DHX57: variants seen among roughly 807,000 people sequenced by gnomAD.
The protein encoded by DHX57 is putative ATP-dependent RNA helicase DHX57.
Under a neutral mutation model 156.2 loss-of-function variants are expected in DHX57, and 105 were observed. That is an observed-to-expected ratio of 0.67 (90% CI 0.57 to 0.79). The LOEUF (loss-of-function observed/expected upper bound fraction) is 0.79. Among genes scored for constraint, DHX57 ranks in the 30% least tolerant of loss-of-function variants. DHX57 has a pLI of 0.00. For missense variants in DHX57, 1,847 were observed against 1,661.9 expected (o/e 1.11, Z -1.94); for synonymous variants, 704 against 595.6 (o/e 1.18, Z -2.65).
intron 6 of DHX57, chr2:38,856,734 T>C: frequency 4.2e-6 from 1 of 238,954 alleles, no homozygotes; most frequent in Admixed American, 5.2e-5. Context: ...ACTCCTGTGC[T>C]CAAGAATCCA....
Position 38,863,426 on chromosome 2 carries a change from C to G in DHX57, c.318G>C (p.Glu106Asp). ...VPLQTLHMTS[E>D]NQEKVKALLR... ...GAAGAGCTTTCACTTTCTCTTGATTCTCAGAAGTCATATGTAGAGTCTGAA... is the reference window on the plus strand; with the variant it reads ...GAAGAGCTTTCACTTTCTCTTGATTGTCAGAAGTCATATGTAGAGTCTGAA... Residue 106 changes from glutamate (E) to aspartate (D), a missense_variant, in exon 3 of 24, where the codon GAG (glutamate) becomes GAC (aspartate). Physicochemically the swap from Glu to Asp is conservative, Grantham distance 45 (BLOSUM62 2). Transcript: ENST00000457308. The G allele has an allele frequency of 6.2e-7, 1 of 1,614,080 alleles. No individual in the cohort carries two copies. Among genetic ancestry groups the G allele is most frequent in the Non-Finnish European group, 8.5e-7 (1 of 1,180,012 alleles).
chr2:38,873,716 A>T (rs1665460838), intron 1 of DHX57, among the ~76,000 whole-genome samples: 1 of 152,214 alleles, frequency 6.6e-6, no homozygotes, highest in Admixed American at 6.5e-5. Flanking sequence ...GATCCTGGGG[A>T]TATAACAGCA....
chr2:38,861,622 A>C lies in DHX57; in HGVS notation c.788T>G (p.Phe263Cys), dbSNP rs1163721033. The C allele has an allele frequency of 6.8e-6, 11 of 1,613,956 alleles. No individual in the cohort carries two copies. Among genetic ancestry groups the C allele is most frequent in the Non-Finnish European group, 7.6e-6 (9 of 1,180,020 alleles). Residue 263 changes from phenylalanine (F) to cysteine (C), a missense_variant, in exon 5 of 24, where the codon TTT (phenylalanine) becomes TGT (cysteine). Transcript: ENST00000457308. ...GACTCTGTTCTGAATTCTTTCTATAAATTTTTCTCCACAGATGGACTTGAG... is the reference window on the plus strand; with the variant it reads ...GACTCTGTTCTGAATTCTTTCTATACATTTTTCTCCACAGATGGACTTGAG... ...FALKSICGEKFIERIQNRVWT... is the reference protein window; with the variant it reads ...FALKSICGEKCIERIQNRVWT...
rs1480370826 is a variant in DHX57, at chr2:38,798,178, GCC to G, written c.*119_*120del. ...CTGCCTCAGCTGCCTTGGGCTTCAT[GCC>G]CTGGGCTCCTCCACCAGGGCCAGCC... On this transcript the variant is annotated 3_prime_UTR_variant, in exon 24 of 24. Transcript: ENST00000457308. The G allele has an allele frequency of 5.1e-6, 7 of 1,374,700 alleles. No individual in the cohort carries two copies. The highest frequency in any genetic ancestry group is 6.9e-6 in the Non-Finnish European group (7 of 1,012,752). The allele number at this position is 1,374,700 out of a possible 1,614,324, so 85.2% of individuals were successfully genotyped here.
intron 21 of DHX57, among the ~76,000 whole-genome samples, chr2:38,808,768 T>G (rs541290321): frequency 4.1e-4 from 62 of 152,326 alleles, no homozygotes; most frequent in African/African-American, 1.4e-3. Flanking sequence ...TTTGCATTAT[T>G]ATCAAACAAC....
At chr2:38,838,019 C>T in intron 12 of DHX57, 72 bp from the exon 13 acceptor site, 1 of 944,306 alleles carries the variant, frequency 1.1e-6, no homozygotes. Context: ...ATATTTATAC[C>T]ATATACAATA....
rs572075323 is a variant in DHX57 at position 38,799,928 on chromosome 2, C to T, written c.4018-1486G>A. On this transcript the variant is annotated intron_variant, in intron 23 of 23. Coordinates refer to ENST00000457308, the MANE Select transcript of DHX57 (RefSeq NM_198963.3). ...ATTAGCCTGGCGCGGTGGCTCATGC[C>T]TGTAATCCCAGCACTTTGGGAGGCC... 1.3e-4 allele frequency among the ~76,000 whole-genome samples: 20 copies of T among 152,176 alleles called. No homozygotes were observed. In the East Asian group the frequency reaches 3.9e-3, roughly 29 times the overall value.
intron 17 of DHX57, 30 bp downstream of exon 17, chr2:38,822,963 C>T (rs1033566415): frequency 6.2e-7 from 1 of 1,607,484 alleles, no homozygotes; most frequent in Non-Finnish European, 8.5e-7. Context: ...CTCTTAGAGA[C>T]TCCAGTTTAG....
At chr2:38,822,006 C>T (rs1434266231) in intron 17 of DHX57, among the ~76,000 whole-genome samples, 3 of 152,108 alleles carry the variant, frequency 2.0e-5, no homozygotes, top group African/African-American at 7.2e-5. Flanking sequence ...AATAATAAAA[C>T]AACTACCCAC....
At chr2:38,868,081 C>T in intron 2 of DHX57, 101 bp downstream of exon 2, 1 of 1,434,932 alleles carries the variant, frequency 7.0e-7, no homozygotes, top group Non-Finnish European at 9.5e-7. Flanking sequence ...ACAATTTGAC[C>T]AGAATTACTC....
At chr2:38,829,987 G>A (rs1176533378) in intron 13 of DHX57, among the ~76,000 whole-genome samples, 1 of 152,112 alleles carries the variant, frequency 6.6e-6, no homozygotes, top group Non-Finnish European at 1.5e-5. Context: ...TGCGTGAAGA[G>A]CAGTCACTCA....
chr2:38,852,864 A>C (rs879760054), intron 9 of DHX57, among the ~76,000 whole-genome samples: 1 of 152,072 alleles, frequency 6.6e-6, no homozygotes, highest in East Asian at 1.9e-4. Flanking sequence ...GTGGTGCTTA[A>C]GGCCCTGGAA....
chr2:38,865,031 C>T (rs2124940462), intron 2 of DHX57, among the ~76,000 whole-genome samples: 1 of 152,314 alleles, frequency 6.6e-6, no homozygotes, highest in South Asian at 2.1e-4. Flanking sequence ...ACACCTTTGT[C>T]CCTTGGCTTC....
intron 5 of DHX57, 76 bp downstream of exon 5, chr2:38,860,923 G>T: frequency 7.4e-7 from 1 of 1,351,766 alleles, no homozygotes; most frequent in Non-Finnish European, 1.0e-6. Flanking sequence ...AGCCATCCTA[G>T]ACCAGCCTTA....
rs926904872 is a variant in DHX57, at chr2:38,854,927, G to A, written c.1905+130C>T. On this transcript the variant is annotated intron_variant, in intron 8 of 23. Coordinates refer to ENST00000457308, the MANE Select transcript of DHX57 (RefSeq NM_198963.3). ...ATATTTAAATAAATGATTACCAAAG[G>A]TAATCATTAATTTAAAAATAACCTG... The A allele has an allele frequency of 1.5e-5, 13 of 854,646 alleles. No individual in the cohort carries two copies. The South Asian group carries it at 2.1e-4, about 14-fold the overall frequency. The allele number at this position is 854,646 out of a possible 1,614,324, so 52.9% of individuals were successfully genotyped here. A position where few individuals can be genotyped will look rare whatever the true frequency, so the allele number is the denominator to read the frequency against.
chr2:38,815,991 A>C (rs542597219), intron 19 of DHX57: 14 of 399,036 alleles, frequency 3.5e-5, no homozygotes, highest in African/African-American at 2.7e-4. Flanking sequence ...ACAGCAAAAA[A>C]TGCTGTTTGT....
chr2:38,799,736 G>T (rs1201733888), intron 23 of DHX57, among the ~76,000 whole-genome samples: 7 of 106,028 alleles, frequency 6.6e-5, no homozygotes, highest in African/African-American at 2.5e-4. Context: ...GGCAACAAGA[G>T]CAAAACTCCA....
At chr2:38,811,228 C>A in intron 21 of DHX57, 1 of 496,168 alleles carries the variant, frequency 2.0e-6, no homozygotes. Flanking sequence ...GGTTGTAGAA[C>A]TCAGGGATCC....
intron 19 of DHX57, among the ~76,000 whole-genome samples, chr2:38,816,687 CAAT>C (rs1457514817): frequency 7.9e-5 from 12 of 152,140 alleles, no homozygotes; most frequent in African/African-American, 2.9e-4. Flanking sequence ...CCCTGTCTCT[CAAT>C]GATGGTTTAA....
Sources: gnomAD v4.1 joint callset for allele counts (sites outside exome capture counted in the v4.1 genomes callset) on GRCh38, gnomAD v4.1.1 for gene constraint, MANE v1.5 for transcripts, NCBI Gene and HGNC (gene_info 2026-07-23, HGNC 2026-07-21) for gene names.